Variants in ZNF148 observed in about 807,000 individuals in gnomAD.
ZNF148 encodes the protein zinc finger protein 148.
ZNF148 carries 7 observed loss-of-function variants against 67.7 expected under a neutral mutation model. That is an observed-to-expected ratio of 0.10 (90% CI 0.06 to 0.19). ZNF148 has a LOEUF of 0.19. Ranked by LOEUF, ZNF148 falls within the 10% of genes least tolerant of loss-of-function variation. The pLI, the probability that ZNF148 is intolerant of heterozygous loss-of-function variation, is 1.00. For missense variants in ZNF148, 583 were observed against 947.1 expected, an observed-to-expected ratio of 0.62 and a Z score of 5.05; for synonymous variants, 333 against 330.7, an observed-to-expected ratio of 1.01 and a Z score of -0.08.
chr3:125,297,215 A>G (rs1003455441), intron 4 of ZNF148, among the ~76,000 whole-genome samples: 1 of 152,142 alleles, frequency 6.6e-6, no homozygotes, highest in African/African-American at 2.4e-5. Flanking sequence ...GGAAATCTCT[A>G]TGGGTAAGTT....
intron 1 of ZNF148, among the ~76,000 whole-genome samples, chr3:125,370,320 C>G (rs1225665194): frequency 6.6e-6 from 1 of 152,176 alleles, no homozygotes; most frequent in Non-Finnish European, 1.5e-5. Context: ...CAAACACACA[C>G]ACACACAGTT....
At chr3:125,291,246 C>T (rs1938995268) in intron 4 of ZNF148, among the ~76,000 whole-genome samples, 1 of 152,160 alleles carries the variant, frequency 6.6e-6, no homozygotes, top group Non-Finnish European at 1.5e-5. Flanking sequence ...GCATTATCAT[C>T]TCCCAATGTA....
At chr3:125,274,139 G>A (rs113158422) in intron 7 of ZNF148, among the ~76,000 whole-genome samples, 3 of 152,070 alleles carry the variant, frequency 2.0e-5, no homozygotes, top group Non-Finnish European at 2.9e-5. Context: ...GAAAGGGCAC[G>A]TCAGACAAAA....
chr3:125,341,954 C>T (rs2107736465), intron 1 of ZNF148, among the ~76,000 whole-genome samples: 1 of 148,620 alleles, frequency 6.7e-6, no homozygotes, highest in African/African-American at 2.5e-5. Flanking sequence ...CAAGATCGTG[C>T]CACTAACTCC....
intron 7 of ZNF148, among the ~76,000 whole-genome samples, chr3:125,261,383 T>TA (rs1013890224): frequency 2.8e-4 from 43 of 152,264 alleles, no homozygotes; most frequent in African/African-American, 1.0e-3. Flanking sequence ...TCTGTTGGAG[T>TA]AACACAGTCA....
intron 1 of ZNF148, among the ~76,000 whole-genome samples, chr3:125,353,504 C>T (rs1942231187): frequency 6.6e-6 from 1 of 151,924 alleles, no homozygotes; most frequent in African/African-American, 2.4e-5. Context: ...TGTCAATTTC[C>T]TAGTTTTGAT....
intron 1 of ZNF148, among the ~76,000 whole-genome samples, chr3:125,336,454 T>C (rs1383185029): frequency 6.6e-6 from 1 of 152,204 alleles, no homozygotes; most frequent in African/African-American, 2.4e-5. Context: ...GGTTTGAATC[T>C]CTATAGAGTG....
chr3:125,341,020 T>C (rs1052744259), intron 1 of ZNF148, among the ~76,000 whole-genome samples: 3 of 138,224 alleles, frequency 2.2e-5, no homozygotes, highest in Non-Finnish European at 4.7e-5. Context: ...AAAATGTCCA[T>C]GATGTAACAA....
intron 1 of ZNF148, among the ~76,000 whole-genome samples, chr3:125,367,021 A>C (rs1260248288): frequency 6.6e-6 from 1 of 152,212 alleles, no homozygotes; most frequent in African/African-American, 2.4e-5. Context: ...GTATTTGTGC[A>C]CAAGTCCAGC....
intron 2 of ZNF148, among the ~76,000 whole-genome samples, chr3:125,327,219 T>C (rs115506144): frequency 0.019 from 2,929 of 152,220 alleles, 44 homozygotes; most frequent in South Asian, 0.056. Flanking sequence ...TGTATGCACC[T>C]AAAAAGAGTC....
chr3:125,228,605 A>G lies in ZNF148; in HGVS notation c.*3736T>C, dbSNP rs1262276025. On this transcript the variant is annotated 3_prime_UTR_variant, in exon 9 of 9. Transcript: ENST00000360647. ...TACTGTGATTTGTTTGTACATATTTACAGATTCTTAAAAACAAGCTGTAAA... is the reference window on the plus strand; with the variant it reads ...TACTGTGATTTGTTTGTACATATTTGCAGATTCTTAAAAACAAGCTGTAAA... 4 of 152,608 alleles carry G rather than the reference A, an allele frequency of 2.6e-5. No homozygotes were observed. The highest frequency in any genetic ancestry group is 5.9e-5 in the Non-Finnish European group (4 of 68,024). The allele number at this position is 152,608 out of a possible 1,614,324, so 9.5% of individuals were successfully genotyped here.
chr3:125,371,354 T>C (rs1187504938), intron 1 of ZNF148, among the ~76,000 whole-genome samples: 2 of 68,222 alleles, frequency 2.9e-5, no homozygotes, highest in East Asian at 4.6e-4. Flanking sequence ...GAGACCCTGT[T>C]TCAAAAAAAA....
intron 5 of ZNF148, among the ~76,000 whole-genome samples, chr3:125,280,216 TA>T (rs1343809368): frequency 1.3e-5 from 2 of 152,008 alleles, no homozygotes; most frequent in African/African-American, 2.4e-5. Context: ...TTCAGTTTTT[TA>T]AAAAATAGAA....
intron 7 of ZNF148, among the ~76,000 whole-genome samples, chr3:125,236,749 A>G (rs1936110711): frequency 6.6e-6 from 1 of 152,230 alleles, no homozygotes. Context: ...CGAGAGGCCC[A>G]CACGGACGGC....
chr3:125,358,807 G>A (rs1478945899), intron 1 of ZNF148, among the ~76,000 whole-genome samples: 2 of 152,152 alleles, frequency 1.3e-5, no homozygotes, highest in Non-Finnish European at 2.9e-5. Flanking sequence ...AACAGCAAGT[G>A]TGCATTTCAT....
At chr3:125,348,026 AG>A (rs1265717034) in intron 1 of ZNF148, among the ~76,000 whole-genome samples, 2 of 152,036 alleles carry the variant, frequency 1.3e-5, no homozygotes. Context: ...CAGCAAACGC[AG>A]GTGGATCATT....
At chr3:125,343,529 T>C (rs1184320637) in intron 1 of ZNF148, among the ~76,000 whole-genome samples, 1 of 144,178 alleles carries the variant, frequency 6.9e-6, no homozygotes, top group Non-Finnish European at 1.5e-5. Context: ...AATGCACCAA[T>C]CAGCGCTCTG....
chr3:125,272,298 C>T (rs868457030), intron 7 of ZNF148, among the ~76,000 whole-genome samples: 1 of 152,196 alleles, frequency 6.6e-6, no homozygotes, highest in Non-Finnish European at 1.5e-5. Flanking sequence ...CATTCAATGA[C>T]TATATGTAAG....
At chr3:125,310,896 A>AAG (rs150040115) in intron 4 of ZNF148, 17,839 of 215,528 alleles carry the variant, frequency 0.083, 938 homozygotes, top group Non-Finnish European at 0.12. Flanking sequence ...CCCTGCTCTG[A>AAG]AGAGACACCC....
Sources: gnomAD v4.1 joint callset for allele counts (sites outside exome capture counted in the v4.1 genomes callset) on GRCh38, gnomAD v4.1.1 for gene constraint, MANE v1.5 for transcripts, NCBI Gene and HGNC (gene_info 2026-07-23, HGNC 2026-07-21) for gene names.